The following RGS20 variants were observed in gnomAD, a reference collection of about 807,000 sequenced individuals.
RGS20 encodes gz-selective GTPase-activating protein.
A neutral mutation model predicts 33.6 loss-of-function variants in RGS20; 30 were observed. The ratio of observed to expected loss-of-function variants is 0.89; its 90% CI spans 0.67 to 1.21. RGS20 has a LOEUF of 1.21. Ranked by LOEUF, RGS20 falls within the 50% of genes most tolerant of loss-of-function variation. RGS20 has a pLI of 0.00. For synonymous variants in RGS20, 208 were observed against 197.9 expected (o/e 1.05, Z -0.43); for missense variants, 472 against 502.4 (o/e 0.94, Z 0.58).
chr8:53,907,779 G>A (rs1378742396), intron 2 of RGS20, among the ~76,000 whole-genome samples: 1 of 152,046 alleles, frequency 6.6e-6, no homozygotes, highest in African/African-American at 2.4e-5. Context: ...CATTTTAGAG[G>A]GGTAGGAAAT....
chr8:53,922,821 A>G (rs1813689510), intron 2 of RGS20, among the ~76,000 whole-genome samples: 1 of 151,952 alleles, frequency 6.6e-6, no homozygotes, highest in East Asian at 1.9e-4. Context: ...CCCTCATGCC[A>G]GCTAATTTTT....
chr8:53,938,514 C>T (rs1814198396), intron 2 of RGS20, among the ~76,000 whole-genome samples: 1 of 152,018 alleles, frequency 6.6e-6, no homozygotes, highest in Admixed American at 6.6e-5. Flanking sequence ...AGGTTTTGCA[C>T]ATGTGTCCCA....
chr8:53,948,993 A>G (rs1271343054), intron 4 of RGS20, among the ~76,000 whole-genome samples: 1 of 94,332 alleles, frequency 1.1e-5, no homozygotes, highest in Non-Finnish European at 1.9e-5. Context: ...TATATAAGAT[A>G]CAGTATATAT....
chr8:53,894,017 T>C (rs989501445), intron 2 of RGS20, among the ~76,000 whole-genome samples: 1 of 152,206 alleles, frequency 6.6e-6, no homozygotes, highest in Admixed American at 6.5e-5. Flanking sequence ...CTAACTTAGG[T>C]AGATAAAACA....
Position 53,939,673 on chromosome 8 carries a change from G to C in RGS20, c.608G>C (p.Arg203Pro). The C allele has an allele frequency of 6.3e-7, 1 of 1,579,026 alleles. No homozygotes were observed. The highest frequency in any genetic ancestry group is 8.6e-7 in the Non-Finnish European group (1 of 1,162,678). ...CCAGGCCAGCCCGGAGCGGGGAGTCGCGGGTCCAACGCATGCTGCTTCTGC... is the reference window on the plus strand; with the variant it reads ...CCAGGCCAGCCCGGAGCGGGGAGTCCCGGGTCCAACGCATGCTGCTTCTGC... The change falls in exon 3 of 6, where the codon CGC (arginine) becomes CCC (proline). Residue 203 changes from arginine (R) to proline (P), a missense_variant. Physicochemically the swap from Arg to Pro is moderately radical, Grantham distance 103 (BLOSUM62 -2). Transcript: ENST00000297313.
intron 2 of RGS20, among the ~76,000 whole-genome samples, chr8:53,886,235 G>A (rs542733846): frequency 6.6e-6 from 1 of 152,180 alleles, no homozygotes; most frequent in Non-Finnish European, 1.5e-5. Flanking sequence ...GAGTTAAGGC[G>A]ACGCTGCTTG....
chr8:53,885,790 C>CT (rs1172257852), intron 2 of RGS20, among the ~76,000 whole-genome samples: 6,552 of 112,616 alleles, frequency 0.058, 302 homozygotes, highest in African/African-American at 0.1. Context: ...GTATCTTACT[C>CT]TTTTTTTTTT....
At chr8:53,874,059 G>A (rs1032543516) in intron 1 of RGS20, among the ~76,000 whole-genome samples, 4 of 152,086 alleles carry the variant, frequency 2.6e-5, no homozygotes, top group African/African-American at 9.7e-5. Context: ...AATTAGTTGG[G>A]CGTCATGGCA....
rs1282459731 is a variant in RGS20, at chr8:53,947,339, G to GAT, written c.743+593_743+594dup. 8.3e-4 allele frequency among the ~76,000 whole-genome samples: 112 copies of GAT among 134,652 alleles called. 3 individuals carry two copies. In the East Asian group the frequency reaches 0.013, roughly 15 times the overall value. The allele number at this position is 134,652 out of a possible 152,430, so 88.3% of individuals were successfully genotyped here. A position where few individuals can be genotyped will look rare whatever the true frequency, so the allele number is the denominator to read the frequency against. On this transcript the variant is annotated intron_variant, in intron 4 of 5. Coordinates refer to ENST00000297313, the MANE Select transcript of RGS20 (RefSeq NM_170587.4). Reference sequence around the variant, plus strand: ...TATATATTATATATGCTATATATAAGATAGTATATATATTATATATGCTAT... The same window carrying GAT: ...TATATATTATATATGCTATATATAAGATATAGTATATATATTATATATGCTAT...
intron 2 of RGS20, among the ~76,000 whole-genome samples, chr8:53,914,347 TC>T (rs748402725): frequency 9.2e-5 from 14 of 152,152 alleles, no homozygotes; most frequent in Non-Finnish European, 1.6e-4. Flanking sequence ...AATTTTAGGT[TC>T]TTAACCTTGG....
In RGS20 at chr8:53,954,058, C is replaced by T. The variant is rs745423560; in HGVS notation, c.744-18C>T. On this transcript the variant is annotated intron_variant, in intron 4 of 5. Coordinates refer to ENST00000297313, the MANE Select transcript of RGS20 (RefSeq NM_170587.4). ...CTAACAGTTCCCTTTTGCCCCCTCT[C>T]TTTTGGTCTCCACGAAGCCCTGCTC... 1 of 1,569,476 alleles carries T rather than the reference C, an allele frequency of 6.4e-7. No individual in the cohort carries two copies. Among genetic ancestry groups the T allele is most frequent in the East Asian group, 2.2e-5 (1 of 44,666 alleles).
At chr8:53,944,251 T>C (rs765156246) in intron 3 of RGS20, among the ~76,000 whole-genome samples, 1 of 152,134 alleles carries the variant, frequency 6.6e-6, no homozygotes, top group Non-Finnish European at 1.5e-5. Context: ...TATTTAACAA[T>C]GTATTTGGCC....
At chr8:53,930,554 G>GT (rs1813925295) in intron 2 of RGS20, among the ~76,000 whole-genome samples, 1 of 152,108 alleles carries the variant, frequency 6.6e-6, no homozygotes, top group Non-Finnish European at 1.5e-5. Flanking sequence ...TTTGTTTTTT[G>GT]TTTTTTGTTT....
chr8:53,856,618 C>T (rs1485863610), intron 1 of RGS20, among the ~76,000 whole-genome samples: 1 of 152,192 alleles, frequency 6.6e-6, no homozygotes, highest in Non-Finnish European at 1.5e-5. Context: ...TTTTTCTAGA[C>T]AATCGACATG....
intron 2 of RGS20, among the ~76,000 whole-genome samples, chr8:53,924,344 C>G (rs945670242): frequency 6.6e-6 from 1 of 152,074 alleles, no homozygotes; most frequent in Admixed American, 6.6e-5. Context: ...TGCACCACCA[C>G]GCCCGGCTAA....
At chr8:53,926,555 C>T (rs533414380) in intron 2 of RGS20, among the ~76,000 whole-genome samples, 5 of 152,242 alleles carry the variant, frequency 3.3e-5, no homozygotes, top group African/African-American at 1.2e-4. Context: ...TTGGGAACTA[C>T]AGTGAAAATA....
At chr8:53,907,756 A>G (rs556849933) in intron 2 of RGS20, among the ~76,000 whole-genome samples, 1 of 152,270 alleles carries the variant, frequency 6.6e-6, no homozygotes, top group African/African-American at 2.4e-5. Flanking sequence ...ATGAATGGCA[A>G]GCTTACACTT....
chr8:53,958,008 T>C lies in RGS20; in HGVS notation c.979-262T>C, dbSNP rs564028185. 6.9e-3 allele frequency among the ~76,000 whole-genome samples: 1,047 copies of C among 151,982 alleles called. 7 individuals carry two copies. The highest frequency in any genetic ancestry group is 8.6e-3 in the Non-Finnish European group (584 of 67,948). Reference sequence around the variant, plus strand: ...AAAGTTAGCCGGGTGTGGTGGTGGGTGCCTGTAATCCCAGCTACTCGGGAG... The same window carrying C: ...AAAGTTAGCCGGGTGTGGTGGTGGGCGCCTGTAATCCCAGCTACTCGGGAG... On this transcript the variant is annotated intron_variant, in intron 5 of 5. Transcript: ENST00000297313.
chr8:53,918,678 G>A (rs141294048), intron 2 of RGS20, among the ~76,000 whole-genome samples: 213 of 152,220 alleles, frequency 1.4e-3, no homozygotes, highest in African/African-American at 4.3e-3. Flanking sequence ...ATGAGCCACC[G>A]TGCCCAGCCT....
Sources: gnomAD v4.1 joint callset for allele counts (sites outside exome capture counted in the v4.1 genomes callset) on GRCh38, gnomAD v4.1.1 for gene constraint, MANE v1.5 for transcripts, NCBI Gene and HGNC (gene_info 2026-07-23, HGNC 2026-07-21) for gene names.